FRS2: variants seen among roughly 807,000 people sequenced by gnomAD.
The protein encoded by FRS2 is fibroblast growth factor receptor substrate 2, also known as FGFR signalling adaptor.
FRS2 carries 8 observed loss-of-function variants against 43.9 expected under a neutral mutation model. The ratio of observed to expected loss-of-function variants is 0.18; its 90% CI spans 0.11 to 0.33. The LOEUF (loss-of-function observed/expected upper bound fraction) is 0.33. Ranked by LOEUF, FRS2 falls within the 10% of genes least tolerant of loss-of-function variation. The pLI, the probability that FRS2 is intolerant of heterozygous loss-of-function variation, is 1.00. For missense variants in FRS2, 534 were observed against 627.6 expected, an observed-to-expected ratio of 0.85 and a Z score of 1.59; for synonymous variants, 219 against 220.3, an observed-to-expected ratio of 0.99 and a Z score of 0.05.
chr12:69,494,567 T>C (rs1045020293), intron 1 of FRS2, among the ~76,000 whole-genome samples: 1 of 152,190 alleles, frequency 6.6e-6, no homozygotes, highest in Admixed American at 6.5e-5. Flanking sequence ...CAGATACTTC[T>C]TTGTTGTGGG....
intron 1 of FRS2, among the ~76,000 whole-genome samples, chr12:69,527,722 G>A (rs11177703): frequency 6.6e-6 from 1 of 152,198 alleles, no homozygotes; most frequent in African/African-American, 2.4e-5. Context: ...GGGGCACATA[G>A]AAGTTGCTCA....
At chr12:69,546,327 G>T (rs903393976) in intron 3 of FRS2, among the ~76,000 whole-genome samples, 1 of 151,396 alleles carries the variant, frequency 6.6e-6, no homozygotes, top group Non-Finnish European at 1.5e-5. Flanking sequence ...GTGTGATCTC[G>T]GCTCACTGCA....
At chr12:69,531,391 G>A (rs866422113) in intron 2 of FRS2, among the ~76,000 whole-genome samples, 1 of 151,860 alleles carries the variant, frequency 6.6e-6, no homozygotes, top group Non-Finnish European at 1.5e-5. Context: ...TTACTTTGTA[G>A]TACAAATTCT....
At chr12:69,564,978 A>G (rs1244044653) in intron 4 of FRS2, among the ~76,000 whole-genome samples, 1 of 152,214 alleles carries the variant, frequency 6.6e-6, no homozygotes, top group Non-Finnish European at 1.5e-5. Context: ...TGCCACTCAT[A>G]TATCACTTAA....
chr12:69,562,777 C>T (rs1774044196), intron 4 of FRS2, among the ~76,000 whole-genome samples: 1 of 152,032 alleles, frequency 6.6e-6, no homozygotes, highest in Admixed American at 6.6e-5. Context: ...GCAGCCTCGA[C>T]CACCTGGGTT....
At chr12:69,473,474 A>G (rs1870491345) in intron 1 of FRS2, among the ~76,000 whole-genome samples, 1 of 152,194 alleles carries the variant, frequency 6.6e-6, no homozygotes, top group African/African-American at 2.4e-5. Context: ...GGGAAAGTTC[A>G]TTGTGTACTT....
At chr12:69,513,146 A>G (rs693909) in intron 1 of FRS2, among the ~76,000 whole-genome samples, 119,486 of 149,850 alleles carry the variant, frequency 0.8, 48,526 homozygotes, top group African/African-American at 0.94. Context: ...CAAAGTTTGG[A>G]GTTTGTTTTT....
intron 3 of FRS2, among the ~76,000 whole-genome samples, chr12:69,560,485 G>T (rs1879792366): frequency 6.6e-6 from 1 of 152,176 alleles, no homozygotes; most frequent in Non-Finnish European, 1.5e-5. Flanking sequence ...ATTTTTGCGT[G>T]TATTAATTCA....
chr12:69,479,405 T>C (rs1308489762), intron 1 of FRS2, among the ~76,000 whole-genome samples: 56 of 149,732 alleles, frequency 3.7e-4, no homozygotes, highest in African/African-American at 1.2e-3. Flanking sequence ...TTTTTTTTTT[T>C]TTCTTTTTTT....
intron 3 of FRS2, among the ~76,000 whole-genome samples, chr12:69,551,443 G>A (rs1311484902): frequency 1.3e-5 from 2 of 152,216 alleles, no homozygotes; most frequent in African/African-American, 2.4e-5. Flanking sequence ...AGTTATGAAT[G>A]TGGCTCTTCA....
chr12:69,479,169 T>G (rs1480891754), intron 1 of FRS2, among the ~76,000 whole-genome samples: 3 of 152,114 alleles, frequency 2.0e-5, no homozygotes, highest in African/African-American at 7.2e-5. Context: ...AAGTACATCT[T>G]TTAGAATTTT....
At chr12:69,540,914 G>A (rs1877842906) in intron 3 of FRS2, among the ~76,000 whole-genome samples, 1 of 152,114 alleles carries the variant, frequency 6.6e-6, no homozygotes, top group Non-Finnish European at 1.5e-5. Context: ...TATGAGAAAA[G>A]CATCAAATTC....
At chr12:69,472,137 AGCACAGTG>A (rs1405022868) in intron 1 of FRS2, among the ~76,000 whole-genome samples, 4 of 152,132 alleles carry the variant, frequency 2.6e-5, no homozygotes, top group African/African-American at 9.6e-5. Context: ...CCCAGGCTGC[AGCACAGTG>A]GCCCCATCAT....
intron 1 of FRS2, among the ~76,000 whole-genome samples, chr12:69,527,770 G>A (rs1441493630): frequency 6.6e-6 from 1 of 152,162 alleles, no homozygotes; most frequent in Non-Finnish European, 1.5e-5. Context: ...CTTTCAAGTG[G>A]TTGAACTTGC....
At chr12:69,535,214 G>A (rs3910823) in intron 3 of FRS2, among the ~76,000 whole-genome samples, 9,256 of 152,130 alleles carry the variant, frequency 0.061, 641 homozygotes, top group East Asian at 0.37. Flanking sequence ...CAGTGAGAAT[G>A]GTCAAACTAA....
intron 1 of FRS2, among the ~76,000 whole-genome samples, chr12:69,505,666 T>G (rs963985281): frequency 2.0e-5 from 3 of 152,224 alleles, no homozygotes; most frequent in Non-Finnish European, 4.4e-5. Flanking sequence ...AATTTGAGAT[T>G]GGGTACAAAA....
At chr12:69,515,886 A>AC (rs1167686241) in intron 1 of FRS2, among the ~76,000 whole-genome samples, 2 of 85,326 alleles carry the variant, frequency 2.3e-5, no homozygotes, top group Non-Finnish European at 2.4e-5. Flanking sequence ...TGACCGCCCC[A>AC]CCCCCACCCC....
chr12:69,517,731 TATGTTATAC>T (rs1168252337), intron 1 of FRS2, among the ~76,000 whole-genome samples: 1 of 152,234 alleles, frequency 6.6e-6, no homozygotes. Context: ...TTAATACATG[TATGTTATAC>T]ATGTATTAAG....
At chr12:69,509,096 T>G (rs1874222825) in intron 1 of FRS2, among the ~76,000 whole-genome samples, 1 of 152,226 alleles carries the variant, frequency 6.6e-6, no homozygotes, top group African/African-American at 2.4e-5. Context: ...TTGGACACAT[T>G]AAGTAATCTG....
Sources: gnomAD v4.1 joint callset for allele counts (sites outside exome capture counted in the v4.1 genomes callset) on GRCh38, gnomAD v4.1.1 for gene constraint, MANE v1.5 for transcripts, NCBI Gene and HGNC (gene_info 2026-07-23, HGNC 2026-07-21) for gene names.